Variants in CARD8 observed in about 807,000 individuals in gnomAD.
CARD8 encodes the protein caspase recruitment domain family member 8, also known as caspase recruitment domain-containing protein 8.
In CARD8, 38 loss-of-function variants were observed where a neutral mutation model predicts 53.2. The ratio of observed to expected loss-of-function variants is 0.71; its 90% confidence interval spans 0.55 to 0.94. The LOEUF is 0.94. Ranked by LOEUF, CARD8 falls within the 40% of genes least tolerant of loss-of-function variation. The pLI is 0.00. For synonymous variants in CARD8, 245 were observed against 244.9 expected, an observed-to-expected ratio of 1.00 and a Z score of 0.00; for missense variants, 561 against 655.5, an observed-to-expected ratio of 0.86 and a Z score of 1.57.
chr19:48,221,966 T>C (rs2040735964), intron 10 of CARD8, 111 bp from the exon 11 acceptor site: 5 of 788,940 alleles, frequency 6.3e-6, no homozygotes, highest in South Asian at 3.4e-5. Flanking sequence ...TATGATTCAA[T>C]TGATATAAAG....
Position 48,221,752 on chromosome 19 carries a change from G to C in CARD8, c.1139C>G (p.Ala380Gly). The C allele has an allele frequency of 6.3e-7, 1 of 1,599,132 alleles. No homozygotes were observed. The highest frequency in any genetic ancestry group is 8.5e-7 in the Non-Finnish European group (1 of 1,169,822). Reference protein sequence around the residue: ...FGSSYIVSNSANLKVMPKELK... With the variant: ...FGSSYIVSNSGNLKVMPKELK... ...AACCTTGGGCATTACTTTCAGGTTA[G>C]CAGAATTAGACACAATATAACTGGA... Residue 380 changes from alanine to glycine, a missense_variant, in exon 11 of 14, where the codon GCT (alanine) becomes GGT (glycine). Coordinates refer to ENST00000651546, the MANE Select transcript of CARD8 (RefSeq NM_001184900.3).
chr19:48,225,789 A>G (rs2041646959), intron 10 of CARD8, among the ~76,000 whole-genome samples: 1 of 152,120 alleles, frequency 6.6e-6, no homozygotes, highest in African/African-American at 2.4e-5. Context: ...ACAGTGGCTC[A>G]CACCTGTAAT....
At chr19:48,222,583 G>A (rs1385397263) in intron 10 of CARD8, among the ~76,000 whole-genome samples, 2 of 152,078 alleles carry the variant, frequency 1.3e-5, no homozygotes, top group East Asian at 3.9e-4. Context: ...CAGCTACTCT[G>A]GAGGCTGAGG....
chr19:48,254,204 G>A (rs536640363), intron 1 of CARD8, among the ~76,000 whole-genome samples: 19 of 151,926 alleles, frequency 1.3e-4, no homozygotes, highest in African/African-American at 3.9e-4. Flanking sequence ...GTTTGAGTCT[G>A]GTCTGGGCAG....
chr19:48,221,616 G>T, intron 11 of CARD8, 114 bp downstream of exon 11: 1 of 633,218 alleles, frequency 1.6e-6, no homozygotes, highest in Non-Finnish European at 2.5e-6. Flanking sequence ...TTTTTTAAAG[G>T]GCATATTTGT....
rs1019984612 is a variant in CARD8 at position 48,211,426 on chromosome 19, T to C, written c.*284A>G. The C allele has an allele frequency of 3.1e-6, 1 of 325,412 alleles. No individual in the cohort carries two copies. Among genetic ancestry groups the C allele is most frequent in the Non-Finnish European group, 5.7e-6 (1 of 174,978 alleles). The allele number at this position is 325,412 out of a possible 1,614,324, so 20.2% of individuals were successfully genotyped here. ...CTATCCGGATGTCCTTTATCCTGGG[T>C]CTTCAAGAATCATGTCAATGGATAA... On this transcript the variant is annotated 3_prime_UTR_variant, in exon 14 of 14. Coordinates refer to ENST00000651546, the MANE Select transcript of CARD8 (RefSeq NM_001184900.3).
At chr19:48,240,684 G>T (rs910425188) in intron 4 of CARD8, among the ~76,000 whole-genome samples, 1 of 151,760 alleles carries the variant, frequency 6.6e-6, no homozygotes, top group African/African-American at 2.4e-5. Flanking sequence ...CAGAAGAATC[G>T]CTTGAACCCA....
intron 3 of CARD8, among the ~76,000 whole-genome samples, chr19:48,248,471 C>T (rs2046462387): frequency 6.6e-6 from 1 of 152,088 alleles, no homozygotes; most frequent in Non-Finnish European, 1.5e-5. Context: ...GGATAAAACA[C>T]AAATGTCCTG....
Position 48,219,025 on chromosome 19 carries a change from C to T in CARD8, c.1162-13G>A, listed in dbSNP as rs774803669. 1.1e-5 allele frequency: 17 copies of T among 1,613,656 alleles called. No individual in the cohort carries two copies. In the Admixed American group the frequency reaches 1.8e-4, roughly 17 times the overall value. On this transcript the variant is annotated splice_polypyrimidine_tract_variant and intron_variant, in intron 11 of 13. Coordinates refer to ENST00000651546, the MANE Select transcript of CARD8 (RefSeq NM_001184900.3). ...ACAATTTCAACTCCTAGAGGAAACA[C>T]ATCAGTTGACTTGAAGCAGTGGAGG...
chr19:48,233,331 T>TAG (rs1391209889), intron 6 of CARD8: 1 of 456,180 alleles, frequency 2.2e-6, no homozygotes, highest in Non-Finnish European at 4.4e-6. Flanking sequence ...TTCCTTGAGA[T>TAG]ATCTGTTTAT....
Position 48,236,593 on chromosome 19 carries a change from T to C in CARD8, c.209+1790A>G, listed in dbSNP as rs1338576517. ...CCGGCGTGCAGCACTGCTTTTAAAA[T>C]ATCCCATGTTAAATGGGTGCATGGA... On this transcript the variant is annotated intron_variant, in intron 5 of 13. Transcript: ENST00000651546. Among the ~76,000 whole-genome samples the C allele has an allele frequency of 2.0e-5, 3 of 152,180 alleles. No homozygotes were observed. In the East Asian group the frequency reaches 5.8e-4, roughly 29 times the overall value.
In CARD8 at chr19:48,232,455, G is replaced by GA. The variant is rs1414397894; in HGVS notation, c.388dup (p.Ser130PhefsTer18). ...TCCTCTCCCTATTAGCCCATTACCTGAATCTTGTCCCTCTGAAGATTCCTG... is the reference window on the plus strand; with the variant it reads ...TCCTCTCCCTATTAGCCCATTACCTGAAATCTTGTCCCTCTGAAGATTCCTG... On this transcript the variant is annotated frameshift_variant, in exon 7 of 14. Coordinates refer to ENST00000651546, the MANE Select transcript of CARD8 (RefSeq NM_001184900.3). LOFTEE classifies it high-confidence loss of function. 2.7e-5 allele frequency: 41 copies of GA among 1,535,666 alleles called. No individual in the cohort carries two copies. Among genetic ancestry groups the GA allele is most frequent in the Non-Finnish European group, 3.5e-5 (40 of 1,146,452 alleles).
downstream of CARD8, chr19:48,204,283 G>C (rs550885097): frequency 2.3e-6 from 1 of 435,938 alleles, no homozygotes; most frequent in South Asian, 1.6e-5. Context: ...CCTCGCGGGA[G>C]AAATTAGACT....
At chr19:48,215,294 G>C in intron 13 of CARD8, 46 bp downstream of exon 13, 1 of 1,408,382 alleles carries the variant, frequency 7.1e-7, no homozygotes, top group Non-Finnish European at 1.0e-6. Context: ...AAGACCCCTT[G>C]ATGTCTCATA....
chr19:48,206,236 G>C (rs189464395), downstream of CARD8: 16 of 331,130 alleles, frequency 4.8e-5, no homozygotes, highest in East Asian at 1.3e-3. Context: ...TTGGGAGACT[G>C]GGGGAGTTAC....
chr19:48,240,860 T>G (rs1003456735), intron 4 of CARD8, 102 bp downstream of exon 4: 2 of 969,232 alleles, frequency 2.1e-6, no homozygotes, highest in Non-Finnish European at 3.1e-6. Context: ...GAGCAGAACC[T>G]TTCTTCCAGA....
chr19:48,224,370 A>C (rs1742234068), intron 10 of CARD8, among the ~76,000 whole-genome samples: 2 of 152,214 alleles, frequency 1.3e-5, no homozygotes, highest in Admixed American at 1.3e-4. Context: ...AACCAACACA[A>C]AAAATAATTG....
chr19:48,252,304 G>C (rs1010754753), intron 1 of CARD8, among the ~76,000 whole-genome samples: 1 of 151,966 alleles, frequency 6.6e-6, no homozygotes, highest in Non-Finnish European at 1.5e-5. Flanking sequence ...TTCAGGTTTT[G>C]AAGTCAATAT....
rs2044363978 is a variant in CARD8 at position 48,238,670 on chromosome 19, GCCATCCTTAGAGATAT to G, written c.60-154_60-139del. 23 of 742,162 alleles carry G rather than the reference GCCATCCTTAGAGATAT, an allele frequency of 3.1e-5. No individual in the cohort carries two copies. The South Asian group carries it at 4.2e-4, about 14-fold the overall frequency. The allele number at this position is 742,162 out of a possible 1,614,324, so 46.0% of individuals were successfully genotyped here. A position where few individuals can be genotyped will look rare whatever the true frequency, so the allele number is the denominator to read the frequency against. ...CTTAGACATGCCCATCCATAGAGATGCCATCCTTAGAGATATCCATCCTTAGACATGCCCATCCATA... is the reference window on the plus strand; with the variant it reads ...CTTAGACATGCCCATCCATAGAGATGCCATCCTTAGACATGCCCATCCATA... On this transcript the variant is annotated intron_variant, in intron 4 of 13. Coordinates refer to ENST00000651546, the MANE Select transcript of CARD8 (RefSeq NM_001184900.3).
Sources: gnomAD v4.1 joint callset for allele counts (sites outside exome capture counted in the v4.1 genomes callset) on GRCh38, gnomAD v4.1.1 for gene constraint, MANE v1.5 for transcripts, NCBI Gene and HGNC (gene_info 2026-07-23, HGNC 2026-07-21) for gene names.